STXBP5L: variants seen among roughly 807,000 people sequenced by gnomAD.
The protein encoded by STXBP5L is syntaxin-binding protein 5-like.
A neutral mutation model predicts 144.5 loss-of-function variants in STXBP5L; 65 were observed. The observed-to-expected ratio is 0.45, with a 90% CI of 0.37 to 0.55. STXBP5L has a LOEUF of 0.55. Ranked by LOEUF, STXBP5L falls within the 20% of genes least tolerant of loss-of-function variation. The pLI is 0.00. For synonymous variants in STXBP5L, 505 were observed against 469.6 expected, an observed-to-expected ratio of 1.08 and a Z score of -0.97; for missense variants, 1,298 against 1,405.5, an observed-to-expected ratio of 0.92 and a Z score of 1.22.
rs535138389 is a variant in STXBP5L at position 121,283,944 on chromosome 3, T to G, written c.2110+3988T>G. On this transcript the variant is annotated intron_variant, in intron 19 of 26. Transcript: ENST00000471454. ...GTGTGTGTGTAGACAGAAAAGTTTC[T>G]GGAACATGGCTTTGTGGATTTTACA... 4.0e-5 allele frequency among the ~76,000 whole-genome samples: 6 copies of G among 151,612 alleles called. No individual in the cohort carries two copies. In the South Asian group the frequency reaches 1.2e-3, roughly 31 times the overall value.
rs998814095 is a variant in STXBP5L at position 121,039,951 on chromosome 3, G to C, written c.288-1749G>C. On this transcript the variant is annotated intron_variant, in intron 3 of 26. Coordinates refer to ENST00000471454, the MANE Select transcript of STXBP5L (RefSeq NM_001308330.2). ...ATCTCTAGATATTCTATTTGAGATAGATAGGTAGATAGATGGATGGATAGA... is the reference window on the plus strand; with the variant it reads ...ATCTCTAGATATTCTATTTGAGATACATAGGTAGATAGATGGATGGATAGA... Among the ~76,000 whole-genome samples, 3 of 148,856 alleles carry C rather than the reference G, an allele frequency of 2.0e-5. No individual in the cohort carries two copies. The South Asian group carries it at 6.3e-4, about 31-fold the overall frequency.
intron 6 of STXBP5L, among the ~76,000 whole-genome samples, chr3:121,119,441 T>C (rs2044365052): frequency 6.6e-6 from 1 of 151,296 alleles, no homozygotes; most frequent in Admixed American, 6.6e-5. Context: ...ATTTAAGATA[T>C]GGGAAGATAA....
At chr3:120,951,284 A>C (rs201111125) in intron 2 of STXBP5L, among the ~76,000 whole-genome samples, 1 of 152,322 alleles carries the variant, frequency 6.6e-6, no homozygotes, top group East Asian at 1.9e-4. Flanking sequence ...AATGGCAACA[A>C]AAGCCAAAAT....
intron 9 of STXBP5L, among the ~76,000 whole-genome samples, chr3:121,177,626 A>C (rs181342623): frequency 2.0e-4 from 31 of 152,294 alleles, no homozygotes; most frequent in African/African-American, 7.0e-4. Flanking sequence ...ACTAGAAAAT[A>C]ACAAATGTTA....
At chr3:120,908,376 C>T (rs898989904) in intron 1 of STXBP5L, 42 bp downstream of exon 1, 19 of 155,670 alleles carry the variant, frequency 1.2e-4, no homozygotes, top group Non-Finnish European at 1.7e-4. Context: ...TCTGGGACGC[C>T]GCCGCCGCTG....
chr3:121,091,668 G>T (rs912381422), intron 5 of STXBP5L, among the ~76,000 whole-genome samples: 2 of 152,122 alleles, frequency 1.3e-5, no homozygotes, highest in Non-Finnish European at 2.9e-5. Context: ...ATAGATTCTG[G>T]ATATTAGCCC....
At chr3:121,185,790 G>A (rs2047354750) in intron 9 of STXBP5L, among the ~76,000 whole-genome samples, 1 of 151,198 alleles carries the variant, frequency 6.6e-6, no homozygotes, top group African/African-American at 2.4e-5. Context: ...GGCCCTTTTT[G>A]GTTCCATATG....
intron 6 of STXBP5L, among the ~76,000 whole-genome samples, chr3:121,116,466 A>G (rs1410624839): frequency 6.6e-6 from 1 of 152,062 alleles, no homozygotes; most frequent in Non-Finnish European, 1.5e-5. Context: ...TAGATTAGGA[A>G]CTGCTCCAGA....
intron 2 of STXBP5L, 123 bp from the exon 3 acceptor site, chr3:120,954,817 T>C (rs1937837830): frequency 3.1e-6 from 2 of 648,610 alleles, no homozygotes; most frequent in African/African-American, 1.9e-5. Flanking sequence ...TGTTAATGTT[T>C]GGTGGTAGCT....
chr3:121,052,092 G>A (rs376484366), intron 5 of STXBP5L, among the ~76,000 whole-genome samples: 3 of 152,202 alleles, frequency 2.0e-5, no homozygotes, highest in South Asian at 4.1e-4. Flanking sequence ...ATAATCAATA[G>A]CTTACCAACC....
intron 11 of STXBP5L, among the ~76,000 whole-genome samples, chr3:121,232,550 A>C (rs544845736): frequency 6.6e-6 from 1 of 152,330 alleles, no homozygotes; most frequent in African/African-American, 2.4e-5. Flanking sequence ...ACAGCTGCTC[A>C]GACCCTCAAG....
intron 22 of STXBP5L, among the ~76,000 whole-genome samples, chr3:121,391,656 T>A (rs1193475896): frequency 6.6e-6 from 1 of 152,234 alleles, no homozygotes; most frequent in Admixed American, 6.5e-5. Context: ...GCTGCAGGTC[T>A]GTTGGAGTTT....
intron 10 of STXBP5L, among the ~76,000 whole-genome samples, chr3:121,214,145 T>C (rs542085231): frequency 6.6e-6 from 1 of 152,312 alleles, no homozygotes; most frequent in South Asian, 2.1e-4. Context: ...TGTTAATCTT[T>C]TCAAAAACCC....
chr3:120,925,998 G>A (rs963741381), intron 2 of STXBP5L, among the ~76,000 whole-genome samples: 2 of 152,090 alleles, frequency 1.3e-5, no homozygotes, highest in African/African-American at 4.8e-5. Flanking sequence ...CTCCATTTAT[G>A]TTTTTAATTG....
At chr3:121,035,679 G>C (rs1946698466) in intron 3 of STXBP5L, among the ~76,000 whole-genome samples, 2 of 151,974 alleles carry the variant, frequency 1.3e-5, no homozygotes, top group Non-Finnish European at 2.9e-5. Flanking sequence ...AGATTGCTTT[G>C]GCTATTCTGG....
At chr3:121,286,769 T>C (rs1011058823) in intron 19 of STXBP5L, among the ~76,000 whole-genome samples, 3 of 150,036 alleles carry the variant, frequency 2.0e-5, no homozygotes, top group African/African-American at 7.4e-5. Context: ...CCACACCCAT[T>C]CCCCCAAAAT....
chr3:121,163,943 G>T (rs536729796), intron 9 of STXBP5L, among the ~76,000 whole-genome samples: 1 of 152,016 alleles, frequency 6.6e-6, no homozygotes, highest in South Asian at 2.1e-4. Flanking sequence ...TAAAAAACAG[G>T]TTTATTGGGG....
At chr3:121,365,336 T>C (rs1402275894) in intron 20 of STXBP5L, among the ~76,000 whole-genome samples, 1 of 151,846 alleles carries the variant, frequency 6.6e-6, no homozygotes, top group Non-Finnish European at 1.5e-5. Context: ...AGGACTGATA[T>C]TATTCTTCTT....
chr3:121,203,242 A>C (rs2048207372), intron 9 of STXBP5L, among the ~76,000 whole-genome samples: 1 of 152,100 alleles, frequency 6.6e-6, no homozygotes, highest in Admixed American at 6.6e-5. Flanking sequence ...GTCTATACTG[A>C]AAATAAGTTT....
Sources: allele counts gnomAD v4.1 joint callset (sites outside exome capture counted in the v4.1 genomes callset), GRCh38; gene constraint gnomAD v4.1.1; transcripts MANE v1.5; gene names NCBI Gene and HGNC (gene_info 2026-07-23, HGNC 2026-07-21).